Variants in PTPN14 observed in about 807,000 individuals in gnomAD.
PTPN14 encodes tyrosine-protein phosphatase non-receptor type 14.
A neutral mutation model predicts 126.8 loss-of-function variants in PTPN14; 53 were observed. That is an observed-to-expected ratio of 0.42 (90% CI 0.34 to 0.53). The LOEUF is 0.53. PTPN14 is among the 20% of genes least tolerant of loss of function. The pLI is 0.08. For missense variants in PTPN14, 1,257 were observed against 1,552.9 expected (o/e 0.81, Z 3.20); for synonymous variants, 630 against 599.3 (o/e 1.05, Z -0.75).
At chr1:214,495,601 T>C (rs1266439701) in intron 1 of PTPN14, among the ~76,000 whole-genome samples, 3 of 152,296 alleles carry the variant, frequency 2.0e-5, no homozygotes, top group Non-Finnish European at 4.4e-5. Flanking sequence ...ACTGACATTA[T>C]CAAATTAAGA....
intron 6 of PTPN14, among the ~76,000 whole-genome samples, chr1:214,402,452 A>AAAAAAAAAAAAAAAAAAAAAAC (rs1659045352): frequency 6.7e-6 from 1 of 149,072 alleles, no homozygotes; most frequent in African/African-American, 2.5e-5. Context: ...AAAAAAAAAA[A>AAAAAAAAAAAAAAAAAAAAAAC]AAAAAAAGCC....
intron 6 of PTPN14, among the ~76,000 whole-genome samples, chr1:214,402,240 T>C (rs574554920): frequency 6.6e-6 from 1 of 151,724 alleles, no homozygotes; most frequent in Admixed American, 6.6e-5. Flanking sequence ...GCATTTGAGA[T>C]CAGCCTGGCC....
chr1:214,464,509 G>C lies in PTPN14; in HGVS notation c.174+121C>G, dbSNP rs1035416604. On this transcript the variant is annotated intron_variant, in intron 2 of 18. Transcript: ENST00000366956. Reference sequence around the variant, plus strand: ...ACAGGATTCTTATAAACACATCGTCGCTTAGGCCAAAAAACACAACAGATG... The same window carrying C: ...ACAGGATTCTTATAAACACATCGTCCCTTAGGCCAAAAAACACAACAGATG... 3.0e-6 allele frequency: 4 copies of C among 1,322,072 alleles called. No homozygotes were observed. In the South Asian group the frequency reaches 5.9e-5, roughly 19 times the overall value. 81.9% of individuals were successfully genotyped at this position (1,322,072 alleles called of 1,614,324 possible). A position where few individuals can be genotyped will look rare whatever the true frequency, so the allele number is the denominator to read the frequency against.
intron 1 of PTPN14, chr1:214,530,337 C>CTTTTTTTTT (rs1219471589): frequency 6.2e-5 from 8 of 129,078 alleles, no homozygotes; most frequent in East Asian, 2.1e-4. Flanking sequence ...CTTTTCTTTT[C>CTTTTTTTTT]TTTTTTTTTT....
At chr1:214,426,160 CT>C (rs1286905013) in intron 3 of PTPN14, among the ~76,000 whole-genome samples, 1 of 149,920 alleles carries the variant, frequency 6.7e-6, no homozygotes, top group African/African-American at 2.5e-5. Context: ...GAATAATTTT[CT>C]TTTGCAGAAT....
chr1:214,363,714 A>C (rs570618206), intron 18 of PTPN14, among the ~76,000 whole-genome samples: 5 of 152,210 alleles, frequency 3.3e-5, no homozygotes, highest in African/African-American at 4.8e-5. Flanking sequence ...AGGAAGAGTG[A>C]CATGTTCATG....
intron 3 of PTPN14, among the ~76,000 whole-genome samples, chr1:214,421,185 G>A (rs1032061557): frequency 1.6e-4 from 25 of 152,102 alleles, no homozygotes; most frequent in African/African-American, 5.6e-4. Flanking sequence ...AACAAAATGC[G>A]GTCTCTTCAA....
intron 6 of PTPN14, among the ~76,000 whole-genome samples, chr1:214,402,437 C>CAAAAAAAAAAAAAAAAAAAAAAAA (rs1165595746): frequency 2.7e-4 from 13 of 48,140 alleles, no homozygotes; most frequent in African/African-American, 3.8e-4. Flanking sequence ...GAGACTCTGT[C>CAAAAAAAAAAAAAAAAAAAAAAAA]AAAAAAAAAA....
Position 214,364,706 on chromosome 1 carries a change from A to C in PTPN14, c.3272-31T>G. 1 of 1,597,596 alleles carries C rather than the reference A, an allele frequency of 6.3e-7. No individual in the cohort carries two copies. The highest frequency in any genetic ancestry group is 8.5e-7 in the Non-Finnish European group (1 of 1,171,694). ...GGACAAAATGCAAATTCTGTCACCAAAGTCCTCCATGGCTTCGCATGTAAG... is the reference window on the plus strand; with the variant it reads ...GGACAAAATGCAAATTCTGTCACCACAGTCCTCCATGGCTTCGCATGTAAG... On this transcript the variant is annotated intron_variant, in intron 17 of 18. Coordinates refer to ENST00000366956, the MANE Select transcript of PTPN14 (RefSeq NM_005401.5). The surrounding 1 kb of genome is among the most constrained non-coding windows in gnomAD (Gnocchi z 4.1).
chr1:214,510,490 C>T (rs6540847), intron 1 of PTPN14, among the ~76,000 whole-genome samples: 30,480 of 152,128 alleles, frequency 0.2, 6,046 homozygotes, highest in African/African-American at 0.52. Flanking sequence ...CAATGAAATA[C>T]AAAGATCACT....
intron 1 of PTPN14, chr1:214,530,912 T>C (rs1324242728): frequency 2.0e-5 from 3 of 152,212 alleles, no homozygotes; most frequent in Non-Finnish European, 4.4e-5. Context: ...ACTTAACTTC[T>C]ATATTAATAT....
chr1:214,526,444 TC>T (rs530284328), intron 1 of PTPN14, among the ~76,000 whole-genome samples: 1 of 152,152 alleles, frequency 6.6e-6, no homozygotes, highest in South Asian at 2.1e-4. Flanking sequence ...TTGAATATAT[TC>T]AATTGCCAAT....
rs1657690506 is a variant in PTPN14, at chr1:214,350,743, G to A, written c.*7179C>T. 2.3e-5 allele frequency: 2 copies of A among 85,680 alleles called. No homozygotes were observed. The highest frequency in any genetic ancestry group is 1.5e-4 in the Admixed American group (1 of 6,708). The allele number at this position is 85,680 out of a possible 1,614,324, so 5.3% of individuals were successfully genotyped here. A position where few individuals can be genotyped will look rare whatever the true frequency, so the allele number is the denominator to read the frequency against. On this transcript the variant is annotated 3_prime_UTR_variant, in exon 19 of 19. Coordinates refer to ENST00000366956, the MANE Select transcript of PTPN14 (RefSeq NM_005401.5). ...TTTTTTTTTTTTTGTATTTTTAGTA[G>A]AGACGGGATTTCACCATGTTGGCCA...
chr1:214,459,819 C>G (rs565364335), intron 2 of PTPN14, among the ~76,000 whole-genome samples: 2 of 152,314 alleles, frequency 1.3e-5, no homozygotes, highest in East Asian at 3.9e-4. Flanking sequence ...ACCTAACATG[C>G]AAGGTAACTA....
chr1:214,381,127 G>A (rs1658461943), intron 13 of PTPN14, among the ~76,000 whole-genome samples: 1 of 152,202 alleles, frequency 6.6e-6, no homozygotes, highest in Non-Finnish European at 1.5e-5. Context: ...TTGTTCCTTT[G>A]TGATAATGCA....
intron 8 of PTPN14, among the ~76,000 whole-genome samples, chr1:214,395,235 T>C (rs573229818): frequency 6.6e-6 from 1 of 152,308 alleles, no homozygotes; most frequent in East Asian, 1.9e-4. Context: ...TGACTAGCAA[T>C]GAGGAAAATC....
intron 2 of PTPN14, among the ~76,000 whole-genome samples, chr1:214,457,201 G>A (rs1044575745): frequency 6.6e-6 from 1 of 152,190 alleles, no homozygotes; most frequent in African/African-American, 2.4e-5. Context: ...AATTTCTACT[G>A]TAGTGATAGC....
chr1:214,483,333 A>T, intron 1 of PTPN14: 6 of 1,613,132 alleles, frequency 3.7e-6, no homozygotes, highest in Non-Finnish European at 4.2e-6. Flanking sequence ...GGGCGGTAGA[A>T]CTTGGAGAGC....
intron 5 of PTPN14, among the ~76,000 whole-genome samples, chr1:214,407,506 A>G (rs573346498): frequency 3.0e-4 from 45 of 152,182 alleles, no homozygotes; most frequent in Non-Finnish European, 5.7e-4. Flanking sequence ...AAAAAAAAAA[A>G]AAAAGAATGA....
Sources: gnomAD v4.1 joint callset for allele counts (sites outside exome capture counted in the v4.1 genomes callset) on GRCh38, gnomAD v4.1.1 for gene constraint, Gnocchi (gnomAD v3.1) non-coding constraint, MANE v1.5 for transcripts, NCBI Gene and HGNC (gene_info 2026-07-23, HGNC 2026-07-21) for gene names.